NCOA7: variants seen among roughly 807,000 people sequenced by gnomAD.
NCOA7 encodes 140 kDa estrogen receptor-associated protein.
In NCOA7, 45 loss-of-function variants were observed where a neutral mutation model predicts 104.3. The ratio of observed to expected loss-of-function variants is 0.43; its 90% confidence interval spans 0.34 to 0.55. The LOEUF is 0.55. Among genes scored for constraint, NCOA7 ranks in the 20% least tolerant of loss-of-function variants. NCOA7 has a pLI of 0.02. For missense variants in NCOA7, 1,041 were observed against 1,119.7 expected (o/e 0.93, Z 1.00); for synonymous variants, 398 against 402.3 (o/e 0.99, Z 0.13).
At chr6:125,882,404 T>G in intron 6 of NCOA7, 22 bp from the exon 7 acceptor site, 1 of 1,608,388 alleles carries the variant, frequency 6.2e-7, no homozygotes, top group Non-Finnish European at 8.5e-7. Context: ...TATTTGATTT[T>G]GAAATTTTTT....
intron 2 of NCOA7, among the ~76,000 whole-genome samples, chr6:125,851,835 C>T (rs143429322): frequency 0.01 from 1,546 of 151,438 alleles, 19 homozygotes; most frequent in African/African-American, 0.036. Context: ...TGTATCTCCC[C>T]GATGATTCGT....
At chr6:125,860,104 G>T (rs1346324561) in intron 3 of NCOA7, among the ~76,000 whole-genome samples, 1 of 152,150 alleles carries the variant, frequency 6.6e-6, no homozygotes, top group Non-Finnish European at 1.5e-5. Flanking sequence ...TGAGTGAACT[G>T]AGCCCTTTCG....
chr6:125,785,287 A>G (rs1338458857), intron 1 of NCOA7, among the ~76,000 whole-genome samples: 4 of 152,198 alleles, frequency 2.6e-5, no homozygotes, highest in African/African-American at 9.6e-5. Flanking sequence ...GCAGTGAGCT[A>G]ACACGGTGCC....
chr6:125,800,159 C>T (rs1775755878), intron 1 of NCOA7, among the ~76,000 whole-genome samples: 1 of 152,160 alleles, frequency 6.6e-6, no homozygotes, highest in Non-Finnish European at 1.5e-5. Flanking sequence ...CTTGTTTGAT[C>T]TAGACAATTT....
At chr6:125,837,767 C>T (rs562676765) in intron 2 of NCOA7, among the ~76,000 whole-genome samples, 1 of 152,274 alleles carries the variant, frequency 6.6e-6, no homozygotes, top group Admixed American at 6.5e-5. Context: ...TGAGATCATC[C>T]ATATGCTATT....
At chr6:125,837,134 A>G (rs2128599142) in intron 2 of NCOA7, among the ~76,000 whole-genome samples, 1 of 152,334 alleles carries the variant, frequency 6.6e-6, no homozygotes, top group Non-Finnish European at 1.5e-5. Flanking sequence ...AAATTAGCCT[A>G]AAAGTCTATG....
chr6:125,891,951 G>A lies in NCOA7; in HGVS notation c.2096+1141G>A, dbSNP rs138446564. ...ATATTGAGGAGAATGAGGAGAAAAT[G>A]TGTCTCTTTTGTTATCATTTTAAAA... On this transcript the variant is annotated intron_variant, in intron 10 of 15. Coordinates refer to ENST00000392477, the MANE Select transcript of NCOA7 (RefSeq NM_181782.5). Among the ~76,000 whole-genome samples, 472 of 152,260 alleles carry A rather than the reference G, an allele frequency of 3.1e-3. 3 individuals are homozygous for A. The highest frequency in any genetic ancestry group is 0.011 in the African/African-American group (453 of 41,532).
intron 2 of NCOA7, among the ~76,000 whole-genome samples, chr6:125,818,051 TC>T (rs1777758598): frequency 6.8e-6 from 1 of 147,180 alleles, no homozygotes; most frequent in East Asian, 2.1e-4. Flanking sequence ...TTCTTCCTCC[TC>T]CCCCTTCCCG....
At chr6:125,869,062 G>A (rs1001234742) in intron 3 of NCOA7, among the ~76,000 whole-genome samples, 2 of 152,278 alleles carry the variant, frequency 1.3e-5, no homozygotes, top group East Asian at 1.9e-4. Flanking sequence ...AAAAGGCTAC[G>A]TACTATCTTT....
At chr6:125,892,137 T>C (rs1784665319) in intron 10 of NCOA7, among the ~76,000 whole-genome samples, 1 of 152,238 alleles carries the variant, frequency 6.6e-6, no homozygotes, top group African/African-American at 2.4e-5. Context: ...TTGTGGGTTG[T>C]GTAAACTTGA....
chr6:125,857,032 A>G (rs938362294), intron 3 of NCOA7, among the ~76,000 whole-genome samples: 2 of 152,220 alleles, frequency 1.3e-5, no homozygotes, highest in African/African-American at 4.8e-5. Flanking sequence ...GTAGCTTTAC[A>G]GTGGGCTAAG....
chr6:125,880,315 A>C (rs1260188269), intron 5 of NCOA7, among the ~76,000 whole-genome samples: 4 of 152,050 alleles, frequency 2.6e-5, no homozygotes, highest in Non-Finnish European at 5.9e-5. Flanking sequence ...TACCTGGCAC[A>C]GATATTAAGT....
At chr6:125,784,270 G>A (rs1185638995) in intron 1 of NCOA7, among the ~76,000 whole-genome samples, 1 of 151,964 alleles carries the variant, frequency 6.6e-6, no homozygotes, top group Non-Finnish European at 1.5e-5. Context: ...GTACTATGTT[G>A]GACACCAAGG....
intron 13 of NCOA7, among the ~76,000 whole-genome samples, chr6:125,926,889 A>G (rs1788081616): frequency 6.6e-6 from 1 of 152,212 alleles, no homozygotes; most frequent in Admixed American, 6.5e-5. Flanking sequence ...GCAAGTGCTG[A>G]TCAGGATGTG....
At chr6:125,921,089 A>G (rs1396914178) in intron 12 of NCOA7, 21 bp downstream of exon 12, 1 of 1,607,748 alleles carries the variant, frequency 6.2e-7, no homozygotes, top group Admixed American at 1.7e-5. Flanking sequence ...CCTGGCCACC[A>G]AGGGTGGGGG....
chr6:125,915,456 T>C lies in NCOA7; in HGVS notation c.2220T>C (p.Ser740=), dbSNP rs548391983. Residue 740 remains serine (S), a synonymous_variant, in exon 11 of 16, where the codon AGT becomes AGC. Coordinates refer to ENST00000392477, the MANE Select transcript of NCOA7 (RefSeq NM_181782.5). ...EELNMIDNFF[S]EPTTKSWEII... ...TGAACATGATTGACAACTTCTTCAG[T>C]GAGCCAACAACCAAGAGCTGGGAGG... The C allele has an allele frequency of 1.1e-4, 181 of 1,613,744 alleles. No homozygotes were observed. The highest frequency in any genetic ancestry group is 1.4e-4 in the Non-Finnish European group (161 of 1,179,786).
At chr6:125,924,864 C>A (rs1211207153) in intron 13 of NCOA7, among the ~76,000 whole-genome samples, 1 of 152,010 alleles carries the variant, frequency 6.6e-6, no homozygotes, top group Non-Finnish European at 1.5e-5. Context: ...TTATGGTGTA[C>A]CCTCTCTCAC....
chr6:125,851,717 A>G (rs993491202), intron 2 of NCOA7, among the ~76,000 whole-genome samples: 4 of 152,206 alleles, frequency 2.6e-5, no homozygotes, highest in African/African-American at 4.8e-5. Flanking sequence ...CCAGCAATGT[A>G]TAAGTGTTCC....
intron 8 of NCOA7, among the ~76,000 whole-genome samples, chr6:125,885,770 C>G (rs1784205902): frequency 6.6e-6 from 1 of 152,172 alleles, no homozygotes; most frequent in Non-Finnish European, 1.5e-5. Context: ...CTCCCTGATT[C>G]ATGTCCTCCC....
Sources: gnomAD v4.1 joint callset for allele counts (sites outside exome capture counted in the v4.1 genomes callset) on GRCh38, gnomAD v4.1.1 for gene constraint, MANE v1.5 for transcripts, NCBI Gene and HGNC (gene_info 2026-07-23, HGNC 2026-07-21) for gene names.